Variants in PHB1 observed in about 807,000 individuals in gnomAD.
PHB1 encodes prohibitin 1.
chr17:49,409,206 G>A, the PHB1 span: 94 of 1,575,376 alleles, frequency 6.0e-5, no homozygotes, highest in Non-Finnish European at 7.9e-5. Context: ...TAATGAGGAA[G>A]CAGAAAAGGA....
the PHB1 span, among the ~76,000 whole-genome samples, chr17:49,412,523 C>T: frequency 6.6e-6 from 1 of 152,348 alleles, no homozygotes; most frequent in South Asian, 2.1e-4. Context: ...CAGCCAGCCA[C>T]ACACCGGATG....
chr17:49,404,555 C>T, the PHB1 span: 3 of 247,838 alleles, frequency 1.2e-5, no homozygotes, highest in Non-Finnish European at 2.4e-5. Context: ...CGGAGGCCTG[C>T]CTTCTCAGTT....
chr17:49,406,179 T>C, the PHB1 span, among the ~76,000 whole-genome samples: 72 of 152,218 alleles, frequency 4.7e-4, no homozygotes, highest in Non-Finnish European at 1.0e-3. Flanking sequence ...CAAAATTAAA[T>C]CTATCCCTCT....
chr17:49,409,741 T>C, the PHB1 span, among the ~76,000 whole-genome samples: 2 of 151,958 alleles, frequency 1.3e-5, no homozygotes, highest in South Asian at 2.1e-4. Flanking sequence ...GGTGTCACCA[T>C]GTTAGGCTGG....
the PHB1 span, chr17:49,412,313 GT>G: frequency 6.2e-6 from 1 of 161,704 alleles, no homozygotes; most frequent in African/African-American, 2.4e-5. Context: ...TTTCGCTAAA[GT>G]TTTAAGGGGT....
At chr17:49,407,025 C>T in the PHB1 span, 3 of 626,822 alleles carry the variant, frequency 4.8e-6, no homozygotes, top group Non-Finnish European at 5.8e-6. Flanking sequence ...ACTGAGTTTA[C>T]ACCCAGACTC....
chr17:49,405,225 ACAAAGAT>A, the PHB1 span: 1 of 1,605,236 alleles, frequency 6.2e-7, no homozygotes, highest in Non-Finnish European at 8.5e-7. Context: ...GGAGGTGGAG[ACAAAGAT>A]CAAACCTCAG....
the PHB1 span, chr17:49,404,966 C>G: frequency 6.7e-7 from 1 of 1,483,688 alleles, no homozygotes; most frequent in South Asian, 1.2e-5. Context: ...CCAGTCAGCC[C>G]GCGGAGGTGC....
the PHB1 span, chr17:49,408,914 C>T: frequency 2.5e-5 from 17 of 674,038 alleles, no homozygotes; most frequent in African/African-American, 9.0e-5. Context: ...AGCATGTTTC[C>T]GTGTTTTCAA....
the PHB1 span, among the ~76,000 whole-genome samples, chr17:49,406,278 T>C: frequency 2.6e-5 from 4 of 152,216 alleles, no homozygotes; most frequent in South Asian, 6.2e-4. Flanking sequence ...AATGAACATG[T>C]CTTTGCAAAT....
chr17:49,408,963 C>T, the PHB1 span: 13 of 839,580 alleles, frequency 1.5e-5, no homozygotes, highest in Admixed American at 1.8e-4. Flanking sequence ...GACCTAATAG[C>T]GTCTACCCAG....
chr17:49,408,976 A>G, the PHB1 span: 1 of 975,102 alleles, frequency 1.0e-6, no homozygotes, highest in Non-Finnish European at 1.6e-6. Flanking sequence ...CTACCCAGAA[A>G]TGGAGCCAGG....
At chr17:49,407,580 G>C in the PHB1 span, 2 of 152,186 alleles carry the variant, frequency 1.3e-5, no homozygotes. Flanking sequence ...ACAAACAATG[G>C]GAAGGGACCT....
chr17:49,412,087 A>G, the PHB1 span: 1 of 411,678 alleles, frequency 2.4e-6, no homozygotes, highest in South Asian at 5.3e-5. Context: ...TCCTTGAGGG[A>G]ACTGGCTGTT....
the PHB1 span, among the ~76,000 whole-genome samples, chr17:49,414,546 C>A: frequency 2.0e-5 from 3 of 152,158 alleles, no homozygotes; most frequent in Non-Finnish European, 2.9e-5. Flanking sequence ...GACCTCAACT[C>A]CTGAGACTAC....
At chr17:49,405,347 G>A in the PHB1 span, 2 of 653,466 alleles carry the variant, frequency 3.1e-6, no homozygotes, top group African/African-American at 1.8e-5. Flanking sequence ...GGCTAGCGGG[G>A]GAAGCGGGGG....
At chr17:49,409,296 T>C in the PHB1 span, 3 of 1,613,438 alleles carry the variant, frequency 1.9e-6, no homozygotes, top group East Asian at 2.2e-5. Context: ...AGGGTGGTGC[T>C]CTGGGCTCGA....
chr17:49,404,732 C>G, the PHB1 span: 2 of 510,050 alleles, frequency 3.9e-6, no homozygotes, highest in Non-Finnish European at 7.1e-6. Context: ...CGAATTGGGA[C>G]CTAAAGCTGG....
chr17:49,406,952 G>A, the PHB1 span: 5 of 815,800 alleles, frequency 6.1e-6, no homozygotes, highest in African/African-American at 1.7e-5. Context: ...GCCAGCAATG[G>A]CTCTAGCAGC....
Sources: allele counts gnomAD v4.1 joint callset (sites outside exome capture counted in the v4.1 genomes callset), GRCh38; gene constraint gnomAD v4.1.1; transcripts MANE v1.5; gene names NCBI Gene and HGNC (gene_info 2026-07-23, HGNC 2026-07-21).